Variants in PCDH10 observed in about 807,000 individuals in gnomAD.
PCDH10 encodes the protein protocadherin 10.
A neutral mutation model predicts 74.4 loss-of-function variants in PCDH10; 15 were observed. That is an observed-to-expected ratio of 0.20 (90% CI 0.13 to 0.31). PCDH10 has a LOEUF of 0.31. Among genes scored for constraint, PCDH10 ranks in the 10% least tolerant of loss-of-function variants. The pLI is 1.00. For missense variants in PCDH10, 1,260 were observed against 1,390.2 expected (o/e 0.91, Z 1.49); for synonymous variants, 619 against 589.8 (o/e 1.05, Z -0.72).
At chr4:133,207,466 T>C (rs1446651075) in intron 2 of PCDH10, among the ~76,000 whole-genome samples, 1 of 152,194 alleles carries the variant, frequency 6.6e-6, no homozygotes, top group Non-Finnish European at 1.5e-5. Context: ...AGCTGGCACA[T>C]ACAGACACAT....
In PCDH10 at chr4:133,163,969, T is replaced by C. The variant is rs1316726385; in HGVS notation, c.3103+687T>C. ...ATTGAATGCATTGAGGTTGTGGCTATTAACCTGGACATAGATAAAGCAAAT... is the reference window on the plus strand; with the variant it reads ...ATTGAATGCATTGAGGTTGTGGCTACTAACCTGGACATAGATAAAGCAAAT... On this transcript the variant is annotated intron_variant, in intron 4 of 4. Transcript: ENST00000264360. 6 of 451,258 alleles carry C rather than the reference T, an allele frequency of 1.3e-5. No individual in the cohort carries two copies. The East Asian group carries it at 2.1e-4, about 16-fold the overall frequency. 28.0% of individuals were successfully genotyped at this position (451,258 alleles called of 1,614,324 possible).
chr4:133,166,794 A>G (rs1203638336), intron 4 of PCDH10, among the ~76,000 whole-genome samples: 1 of 151,546 alleles, frequency 6.6e-6, no homozygotes, highest in East Asian at 1.9e-4. Context: ...TCTTGCCAAT[A>G]AACATAATCA....
At position 133,182,186 on chromosome 4, in the gene PCDH10, T is replaced by A. The variant is rs184819648; in HGVS notation, c.3104-7955T>A. 2.5e-3 allele frequency among the ~76,000 whole-genome samples: 375 copies of A among 152,166 alleles called. 1 individual carries two copies. The highest frequency in any genetic ancestry group is 7.2e-3 in the African/African-American group (299 of 41,558). ...GATTTATACAAGCACAACATTCCTG[T>A]AGTCAGGAATGACCAATCCCATTCA... On this transcript the variant is annotated intron_variant, in intron 4 of 4. Coordinates refer to ENST00000264360, the MANE Select transcript of PCDH10 (RefSeq NM_032961.3).
At position 133,190,365 on chromosome 4, in the gene PCDH10, A is replaced by G. The variant is rs1194584795; in HGVS notation, c.*205A>G. 1.7e-6 allele frequency: 1 copy of G among 601,478 alleles called. No individual in the cohort carries two copies. Among genetic ancestry groups the G allele is most frequent in the Non-Finnish European group, 3.0e-6 (1 of 330,264 alleles). 37.3% of individuals were successfully genotyped at this position (601,478 alleles called of 1,614,324 possible). ...AATGAGTTGAAATGTGCAGAACTGTAGAAACTTTAGAGGCAACAGATTTTG... is the reference window on the plus strand; with the variant it reads ...AATGAGTTGAAATGTGCAGAACTGTGGAAACTTTAGAGGCAACAGATTTTG... On this transcript the variant is annotated 3_prime_UTR_variant, in exon 5 of 5. Coordinates refer to ENST00000264360, the MANE Select transcript of PCDH10 (RefSeq NM_032961.3).
chr4:133,186,011 T>A (rs1425548545), intron 4 of PCDH10, among the ~76,000 whole-genome samples: 1 of 152,180 alleles, frequency 6.6e-6, no homozygotes, highest in Non-Finnish European at 1.5e-5. Context: ...CAGTCATTTG[T>A]CTTAAGTCAT....
downstream of PCDH10, among the ~76,000 whole-genome samples, chr4:133,198,516 G>A (rs1560718542): frequency 1.3e-5 from 2 of 152,148 alleles, no homozygotes; most frequent in Non-Finnish European, 2.9e-5. Flanking sequence ...CTCATTGAAT[G>A]CCTCCATAGA....
intron 3 of PCDH10, among the ~76,000 whole-genome samples, chr4:133,158,870 A>G (rs1007579181): frequency 6.6e-6 from 1 of 152,106 alleles, no homozygotes; most frequent in African/African-American, 2.4e-5. Flanking sequence ...GGCAATATAG[A>G]AGATGAAATA....
At chr4:133,202,903 A>G (rs1322198554) in intron 2 of PCDH10, among the ~76,000 whole-genome samples, 1 of 152,146 alleles carries the variant, frequency 6.6e-6, no homozygotes, top group Non-Finnish European at 1.5e-5. Flanking sequence ...CTCTTCTAGC[A>G]CTGAGGCATC....
intron 2 of PCDH10, among the ~76,000 whole-genome samples, chr4:133,202,837 T>C (rs1727929662): frequency 1.3e-5 from 2 of 152,276 alleles, no homozygotes; most frequent in South Asian, 4.1e-4. Context: ...ATAAAGTATA[T>C]CAACATGTTC....
At chr4:133,201,355 T>G (rs2125877639) in intron 2 of PCDH10, among the ~76,000 whole-genome samples, 1 of 152,266 alleles carries the variant, frequency 6.6e-6, no homozygotes, top group South Asian at 2.1e-4. Flanking sequence ...CACACACACC[T>G]AACAGTGTAT....
chr4:133,163,703 TAAC>T (rs1361190311), intron 4 of PCDH10, among the ~76,000 whole-genome samples: 1 of 152,120 alleles, frequency 6.6e-6, no homozygotes, highest in East Asian at 1.9e-4. Flanking sequence ...ATAAAACTCA[TAAC>T]AACTCAATCA....
intron 4 of PCDH10, among the ~76,000 whole-genome samples, chr4:133,167,244 C>A (rs1192307400): frequency 6.6e-6 from 1 of 151,478 alleles, no homozygotes. Context: ...TATATTATGT[C>A]TATGTGCACT....
At position 133,163,069 on chromosome 4, in the gene PCDH10, C is replaced by T. The variant is rs376447518; in HGVS notation, c.2890C>T (p.Arg964Cys). ...GCCTTCTTTTGTCCCTTCTGATGGACGCCAGGCTGCTGATTATCGCAGCAA... is the reference window on the plus strand; with the variant it reads ...GCCTTCTTTTGTCCCTTCTGATGGATGCCAGGCTGCTGATTATCGCAGCAA... ...WMPSFVPSDGRQAADYRSNLH... is the reference protein window; with the variant it reads ...WMPSFVPSDGCQAADYRSNLH... The change falls in exon 4 of 5, where the codon CGC becomes TGC. Residue 964 changes from arginine (R) to cysteine (C), a missense_variant. By Grantham distance (180) the Arg-to-Cys change is radical (BLOSUM62 -3). Coordinates refer to ENST00000264360, the MANE Select transcript of PCDH10 (RefSeq NM_032961.3). 1.4e-5 allele frequency: 22 copies of T among 1,613,982 alleles called. No individual in the cohort carries two copies. Among genetic ancestry groups the T allele is most frequent in the East Asian group, 6.7e-5 (3 of 44,882 alleles).
rs1025895078 is a variant in PCDH10 at position 133,192,414 on chromosome 4, A to G, written c.*2254A>G. 1 of 151,584 alleles carries G rather than the reference A, an allele frequency of 6.6e-6. No individual in the cohort carries two copies. Among genetic ancestry groups the G allele is most frequent in the Non-Finnish European group, 1.5e-5 (1 of 67,590 alleles). 9.4% of individuals were successfully genotyped at this position (151,584 alleles called of 1,614,324 possible). A position where few individuals can be genotyped will look rare whatever the true frequency, so the allele number is the denominator to read the frequency against. On this transcript the variant is annotated 3_prime_UTR_variant, in exon 5 of 5. Transcript: ENST00000264360. ...TTTGCAATCATGGGTGAATATCCAC[A>G]TCCATCTTCCTTACTGCATGCATTG...
At chr4:133,183,259 T>C (rs1727455601) in intron 4 of PCDH10, among the ~76,000 whole-genome samples, 1 of 152,120 alleles carries the variant, frequency 6.6e-6, no homozygotes, top group African/African-American at 2.4e-5. Flanking sequence ...GTTGACATAG[T>C]TGCAGTAATC....
intron 3 of PCDH10, among the ~76,000 whole-genome samples, chr4:133,158,867 T>C (rs933091029): frequency 6.6e-6 from 1 of 152,076 alleles, no homozygotes. Context: ...GGAGGCAATA[T>C]AGAAGATGAA....
At chr4:133,153,985 C>T (rs141811446) in intron 1 of PCDH10, 91 of 236,964 alleles carry the variant, frequency 3.8e-4, no homozygotes, top group African/African-American at 9.4e-4. Context: ...AGAATATAAA[C>T]AGGTTGACTC....
At position 133,151,790 on chromosome 4, in the gene PCDH10, C is replaced by G; in HGVS notation, c.1650C>G (p.Ser550Arg). The G allele has an allele frequency of 1.2e-6, 2 of 1,613,072 alleles. No individual in the cohort carries two copies. Among genetic ancestry groups the G allele is most frequent in the Non-Finnish European group, 1.7e-6 (2 of 1,180,032 alleles). Residue 550 changes from serine (S) to arginine (R), a missense_variant, in exon 1 of 5, where the codon AGC becomes AGG. Physicochemically the swap from Ser to Arg is moderately radical, Grantham distance 110 (BLOSUM62 -1). Around this residue, in one of 11 missense-constraint regions of PCDH10, gnomAD observed 587 missense variants for 616.9 expected, o/e 0.95. Coordinates refer to ENST00000264360, the MANE Select transcript of PCDH10 (RefSeq NM_032961.3). The part of the protein sequence containing the change: ...SFQVEARDAG[S>R]PQALAGNATV... ...AGGTGGAAGCCCGGGACGCTGGCAG[C>G]CCCCAGGCGCTGGCTGGTAACGCCA... is the stretch of plus-strand genomic sequence containing the variant.
intron 4 of PCDH10, among the ~76,000 whole-genome samples, chr4:133,168,792 T>A (rs1236835159): frequency 6.6e-6 from 1 of 151,718 alleles, no homozygotes; most frequent in Non-Finnish European, 1.5e-5. Flanking sequence ...ATTTCATTAA[T>A]GTTGTCATTA....
Sources: allele counts gnomAD v4.1 joint callset (sites outside exome capture counted in the v4.1 genomes callset), GRCh38; gene constraint gnomAD v4.1.1; regional missense constraint gnomAD v4.1.1; transcripts MANE v1.5; gene names NCBI Gene and HGNC (gene_info 2026-07-23, HGNC 2026-07-21).